TUT7: variants seen among roughly 807,000 people sequenced by gnomAD.
TUT7 encodes the protein terminal uridylyltransferase 7.
In TUT7, 33 loss-of-function variants were observed where a neutral mutation model predicts 165.9. The observed-to-expected ratio is 0.20, with a 90% CI of 0.15 to 0.27. The LOEUF is 0.27. Among genes scored for constraint, TUT7 ranks in the 10% least tolerant of loss-of-function variants. The pLI is 1.00. For synonymous variants in TUT7, 552 were observed against 608.1 expected (o/e 0.91, Z 1.36); for missense variants, 1,338 against 1,762.3 (o/e 0.76, Z 4.31).
At chr9:86,337,162 G>A (rs778319699) in intron 10 of TUT7, 150 of 349,612 alleles carry the variant, frequency 4.3e-4, no homozygotes, top group Non-Finnish European at 6.5e-4. Context: ...TTCGTCTCAG[G>A]ACCATACATA....
rs1486833991 is a variant in TUT7 at position 86,309,511 on chromosome 9, T to C, written c.3534A>G (p.Leu1178=). Residue 1178 remains leucine, a synonymous_variant, in exon 20 of 27, where the codon CTA becomes CTG. Transcript: ENST00000375963. ...GTGGATTCCTCTGCTGGAGAAAATA[T>C]AGCACCATAAGAGTATATGCATACG... ...LSSYAYTLMV[L]YFLQQRNPPV... 3 of 1,613,540 alleles carry C rather than the reference T, an allele frequency of 1.9e-6. No individual in the cohort carries two copies. Among genetic ancestry groups the C allele is most frequent in the Non-Finnish European group, 2.5e-6 (3 of 1,179,906 alleles).
intron 5 of TUT7, among the ~76,000 whole-genome samples, chr9:86,344,662 G>C (rs940143076): frequency 6.7e-6 from 1 of 148,730 alleles, no homozygotes; most frequent in Non-Finnish European, 1.5e-5. Context: ...CTCAAAATAT[G>C]GTGTCAATTT....
intron 10 of TUT7, chr9:86,337,217 C>T: frequency 1.8e-6 from 1 of 564,374 alleles, no homozygotes. Flanking sequence ...GTAATAATAT[C>T]CCTAAGCAGG....
chr9:86,334,468 T>C (rs571730853), intron 10 of TUT7, among the ~76,000 whole-genome samples: 24 of 152,316 alleles, frequency 1.6e-4, no homozygotes, highest in Admixed American at 1.2e-3. Flanking sequence ...TACCCTAGTA[T>C]TGGCTTCAGT....
At chr9:86,345,440 C>G (rs1481032329) in intron 4 of TUT7, among the ~76,000 whole-genome samples, 1 of 152,130 alleles carries the variant, frequency 6.6e-6, no homozygotes, top group African/African-American at 2.4e-5. Context: ...GGACATATAC[C>G]TGGGTCCTAT....
intron 17 of TUT7, 95 bp downstream of exon 17, chr9:86,317,124 G>A (rs991086935): frequency 3.8e-6 from 4 of 1,062,472 alleles, no homozygotes; most frequent in African/African-American, 3.1e-5. Flanking sequence ...TGATGGGTGG[G>A]CCTGGAACAA....
intron 26 of TUT7, among the ~76,000 whole-genome samples, chr9:86,293,016 G>A (rs539731160): frequency 6.6e-6 from 1 of 152,208 alleles, no homozygotes; most frequent in African/African-American, 2.4e-5. Context: ...AATAACACAT[G>A]AATGAATTTT....
chr9:86,349,947 A>AAAG (rs1832126195), intron 2 of TUT7, among the ~76,000 whole-genome samples: 1 of 152,230 alleles, frequency 6.6e-6, no homozygotes. Context: ...GAATACACAT[A>AAAG]AAATAAGAAA....
intron 17 of TUT7, among the ~76,000 whole-genome samples, chr9:86,315,874 A>AT (rs1190462009): frequency 1.3e-5 from 2 of 152,038 alleles, no homozygotes; most frequent in Non-Finnish European, 1.5e-5. Flanking sequence ...CAAAATTAAG[A>AT]TTTTTTTTCC....
intron 9 of TUT7, among the ~76,000 whole-genome samples, chr9:86,338,210 C>CTTT (rs1156700714): frequency 5.2e-5 from 7 of 135,388 alleles, no homozygotes; most frequent in Non-Finnish European, 8.0e-5. Flanking sequence ...CATGGAATCT[C>CTTT]TTTTTTTTTT....
intron 10 of TUT7, 125 bp from the exon 11 acceptor site, chr9:86,328,617 CTA>C: frequency 1.4e-6 from 1 of 729,790 alleles, no homozygotes; most frequent in Non-Finnish European, 2.1e-6. Context: ...AATTTATGGA[CTA>C]TCACAGAGAC....
At chr9:86,322,754 A>C in intron 13 of TUT7, 119 bp downstream of exon 13, 1 of 1,213,878 alleles carries the variant, frequency 8.2e-7, no homozygotes, top group South Asian at 1.6e-5. Context: ...TCAGAATGAA[A>C]GGCCAACTTG....
At chr9:86,325,644 T>C (rs1829721120) in intron 11 of TUT7, 130 bp from the exon 12 acceptor site, 1 of 760,500 alleles carries the variant, frequency 1.3e-6, no homozygotes, top group Non-Finnish European at 2.1e-6. Context: ...TGACAATCCA[T>C]CTAGATAAAT....
At chr9:86,322,233 G>T in intron 14 of TUT7, 92 bp downstream of exon 14, 1 of 1,193,176 alleles carries the variant, frequency 8.4e-7, no homozygotes, top group Non-Finnish European at 1.2e-6. Flanking sequence ...CCCTAATAAT[G>T]TTTAGAGACC....
In TUT7 at chr9:86,353,129, A is replaced by C. The variant is rs762512323; in HGVS notation, c.71T>G (p.Phe24Cys). The C allele has an allele frequency of 6.2e-7, 1 of 1,612,366 alleles. No individual in the cohort carries two copies. Among genetic ancestry groups the C allele is most frequent in the Middle Eastern group, 1.7e-4 (1 of 6,056 alleles). ...ATCTTGTTGGGGGTGACCCCTTCTG[A>C]AGTCATCATCATCCATAGTCCCCCG... ...KDRGTMDDDD[F>C]RRGHPQQDYL... Residue 24 changes from phenylalanine (F) to cysteine (C), a missense_variant, in exon 2 of 27, where the codon TTC becomes TGC. Transcript: ENST00000375963.
rs141994664 is a variant in TUT7 at position 86,343,160 on chromosome 9, C to T, written c.1001G>A (p.Cys334Tyr). The T allele has an allele frequency of 9.8e-6, 15 of 1,530,442 alleles. No individual in the cohort carries two copies. Among genetic ancestry groups the T allele is most frequent in the Non-Finnish European group, 1.3e-5 (15 of 1,136,162 alleles). The allele number at this position is 1,530,442 out of a possible 1,614,324, so 94.8% of individuals were successfully genotyped here. A position where few individuals can be genotyped will look rare whatever the true frequency, so the allele number is the denominator to read the frequency against. The change falls in exon 6 of 27, where the codon TGT becomes TAT. Residue 334 changes from cysteine (C) to tyrosine (Y), a missense_variant. Cys to Tyr is a radical substitution (Grantham distance 194). Coordinates refer to ENST00000375963, the MANE Select transcript of TUT7 (RefSeq NM_024617.4). ...GGATGACCCATATAATCTTAGGGAA[C>T]AATCTAAAAAATAAATAAATAAATA... is the stretch of plus-strand genomic sequence containing the variant. ...ENVFQHKLPD[C>Y]SLRLYGSSCS...
intron 10 of TUT7, among the ~76,000 whole-genome samples, chr9:86,329,839 C>T (rs1470041735): frequency 2.0e-5 from 3 of 152,102 alleles, no homozygotes; most frequent in Non-Finnish European, 4.4e-5. Context: ...AAATGCTCTT[C>T]CCCCTAACAA....
chr9:86,336,098 A>T (rs1830749244), intron 10 of TUT7, among the ~76,000 whole-genome samples: 1 of 152,210 alleles, frequency 6.6e-6, no homozygotes, highest in African/African-American at 2.4e-5. Flanking sequence ...AAGACACATG[A>T]AAAAGCAGAT....
chr9:86,308,692 G>A, intron 21 of TUT7, 86 bp from the exon 22 acceptor site: 2 of 1,176,588 alleles, frequency 1.7e-6, no homozygotes, highest in Non-Finnish European at 2.3e-6. Flanking sequence ...GAGTAAATTT[G>A]GATTTATTTC....
Sources: allele counts gnomAD v4.1 joint callset (sites outside exome capture counted in the v4.1 genomes callset), GRCh38; gene constraint gnomAD v4.1.1; transcripts MANE v1.5; gene names NCBI Gene and HGNC (gene_info 2026-07-23, HGNC 2026-07-21).